BMPR2: variants seen among roughly 807,000 people sequenced by gnomAD.
The protein encoded by BMPR2 is bone morphogenetic protein receptor type-2.
A neutral mutation model predicts 100.8 loss-of-function variants in BMPR2; 29 were observed. That is an observed-to-expected ratio of 0.29 (90% CI 0.21 to 0.39). BMPR2 has a LOEUF of 0.39. BMPR2 is among the 10% of genes least tolerant of loss of function. The probability of loss-of-function intolerance (pLI) is 1.00; values close to 1 mark genes in which losing one functional copy is unlikely to be tolerated. For synonymous variants in BMPR2, 382 were observed against 442.3 expected, an observed-to-expected ratio of 0.86 and a Z score of 1.71; for missense variants, 1,011 against 1,274.5, an observed-to-expected ratio of 0.79 and a Z score of 3.15.
chr2:202,387,959 A>T (rs563000895), intron 1 of BMPR2, among the ~76,000 whole-genome samples: 1 of 152,324 alleles, frequency 6.6e-6, no homozygotes, highest in East Asian at 1.9e-4. Context: ...TTTATGTGGG[A>T]TATAACTTTT....
chr2:202,458,305 A>AG (rs1464851225), intron 1 of BMPR2, among the ~76,000 whole-genome samples: 2 of 150,044 alleles, frequency 1.3e-5, no homozygotes, highest in African/African-American at 2.4e-5. Flanking sequence ...AAAAAAAAAA[A>AG]AAACGCACAC....
chr2:202,528,931 A>C (rs1687966970), intron 7 of BMPR2, among the ~76,000 whole-genome samples: 1 of 152,222 alleles, frequency 6.6e-6, no homozygotes, highest in Non-Finnish European at 1.5e-5. Flanking sequence ...TTTGGAGTAG[A>C]AATTTGGTAG....
chr2:202,508,277 G>C (rs1687564012), intron 3 of BMPR2, among the ~76,000 whole-genome samples: 1 of 151,548 alleles, frequency 6.6e-6, no homozygotes, highest in South Asian at 2.1e-4. Context: ...ATTTTTAGTA[G>C]AGATGGGGTT....
chr2:202,390,980 C>CTTTTTTTTTTT (rs11459505), intron 1 of BMPR2, among the ~76,000 whole-genome samples: 2 of 51,904 alleles, frequency 3.9e-5, no homozygotes, highest in Non-Finnish European at 7.1e-5. Context: ...AGTAAGTAGT[C>CTTTTTTTTTTT]TTTTTTTTTT....
chr2:202,515,799 G>T (rs556908404), intron 5 of BMPR2, among the ~76,000 whole-genome samples: 1 of 152,070 alleles, frequency 6.6e-6, no homozygotes, highest in Non-Finnish European at 1.5e-5. Context: ...TGAGGCTAGC[G>T]AATTGCTTGA....
At chr2:202,540,193 G>T (rs1226029176) in intron 9 of BMPR2, among the ~76,000 whole-genome samples, 1 of 152,028 alleles carries the variant, frequency 6.6e-6, no homozygotes, top group Non-Finnish European at 1.5e-5. Context: ...TTTTAAAAGA[G>T]TGAAATTGTG....
At chr2:202,491,235 T>G (rs1180898181) in intron 3 of BMPR2, among the ~76,000 whole-genome samples, 1 of 152,072 alleles carries the variant, frequency 6.6e-6, no homozygotes, top group Non-Finnish European at 1.5e-5. Context: ...CTTTTAATTG[T>G]TTGTAGAGAT....
intron 5 of BMPR2, among the ~76,000 whole-genome samples, chr2:202,515,432 A>G (rs1480762375): frequency 6.6e-6 from 1 of 151,724 alleles, no homozygotes; most frequent in Admixed American, 6.6e-5. Context: ...TTAGCCAGGC[A>G]TGGTGGTTCA....
At position 202,442,216 on chromosome 2, in the gene BMPR2, C is replaced by T. The variant is rs1030102688; in HGVS notation, c.77-22593C>T. Reference sequence around the variant, plus strand: ...TATAGCTTGTATGCTTCTATGGTCCCCCAGCAAGAAATCTTGTACTCATTA... The same window carrying T: ...TATAGCTTGTATGCTTCTATGGTCCTCCAGCAAGAAATCTTGTACTCATTA... On this transcript the variant is annotated intron_variant, in intron 1 of 12. Coordinates refer to ENST00000374580, the MANE Select transcript of BMPR2 (RefSeq NM_001204.7). 4.0e-5 allele frequency among the ~76,000 whole-genome samples: 6 copies of T among 150,192 alleles called. 1 individual carries two copies. The highest frequency in any genetic ancestry group is 1.3e-4 in the African/African-American group (5 of 39,630).
intron 1 of BMPR2, among the ~76,000 whole-genome samples, chr2:202,464,159 CAAAA>C (rs71406983): frequency 1.6e-5 from 1 of 62,952 alleles, no homozygotes; most frequent in Non-Finnish European, 2.8e-5. Context: ...AACTCTGTCT[CAAAA>C]AAAAAAAAAA....
intron 1 of BMPR2, among the ~76,000 whole-genome samples, chr2:202,378,650 G>A (rs1047592618): frequency 6.6e-6 from 1 of 152,056 alleles, no homozygotes; most frequent in Non-Finnish European, 1.5e-5. Flanking sequence ...GTCTACTGTT[G>A]ATTAATGTCT....
Position 202,440,572 on chromosome 2 carries a change from G to T in BMPR2, c.77-24237G>T, listed in dbSNP as rs572980734. Among the ~76,000 whole-genome samples, 6 of 150,806 alleles carry T rather than the reference G, an allele frequency of 4.0e-5. No individual in the cohort carries two copies. In the South Asian group the frequency reaches 1.0e-3, roughly 26 times the overall value. ...TCACTTCCCAGACGGGGTGGCGGCC[G>T]GGCAGAGGCTGCAATCTCGGCACTT... On this transcript the variant is annotated intron_variant, in intron 1 of 12. Transcript: ENST00000374580.
chr2:202,514,363 C>A (rs985460606), intron 4 of BMPR2, among the ~76,000 whole-genome samples: 2 of 150,370 alleles, frequency 1.3e-5, no homozygotes, highest in Non-Finnish European at 2.9e-5. Context: ...GTCTCGATCT[C>A]CTGACCTCGT....
At chr2:202,409,237 T>C (rs1006528113) in intron 1 of BMPR2, among the ~76,000 whole-genome samples, 4 of 152,036 alleles carry the variant, frequency 2.6e-5, no homozygotes, top group African/African-American at 9.7e-5. Context: ...CACAGCTATT[T>C]GGGTGGCTAT....
intron 3 of BMPR2, among the ~76,000 whole-genome samples, chr2:202,473,510 G>C (rs1159533847): frequency 6.6e-6 from 1 of 152,046 alleles, no homozygotes; most frequent in Non-Finnish European, 1.5e-5. Context: ...CAAAAAACTG[G>C]CCAGGCGCGG....
chr2:202,387,857 C>T (rs923012404), intron 1 of BMPR2, among the ~76,000 whole-genome samples: 4 of 152,070 alleles, frequency 2.6e-5, no homozygotes, highest in Admixed American at 6.6e-5. Flanking sequence ...ACTTCACAAA[C>T]GACTGTATTG....
intron 9 of BMPR2, among the ~76,000 whole-genome samples, chr2:202,540,152 C>T (rs1252654585): frequency 6.6e-6 from 1 of 151,924 alleles, no homozygotes. Flanking sequence ...TTTCCTTTAG[C>T]AACTTTTAAA....
At chr2:202,417,154 T>G (rs1691148137) in intron 1 of BMPR2, among the ~76,000 whole-genome samples, 2 of 150,986 alleles carry the variant, frequency 1.3e-5, no homozygotes. Context: ...TTTTCTTTTT[T>G]GAAATGGAGT....
In BMPR2 at chr2:202,449,951, CA is replaced by C. The variant is rs376106453; in HGVS notation, c.77-14848del. 5.1e-4 allele frequency among the ~76,000 whole-genome samples: 75 copies of C among 147,224 alleles called. 1 individual carries two copies. Among genetic ancestry groups the C allele is most frequent in the African/African-American group, 1.6e-3 (65 of 40,262 alleles). ...TGAATCCCCATCTCTACTAAAAATA[CA>C]AAAAAAAAATAGCCAGGCTTGATGG... On this transcript the variant is annotated intron_variant, in intron 1 of 12. Coordinates refer to ENST00000374580, the MANE Select transcript of BMPR2 (RefSeq NM_001204.7).
Sources: gnomAD v4.1 joint callset for allele counts (sites outside exome capture counted in the v4.1 genomes callset) on GRCh38, gnomAD v4.1.1 for gene constraint, MANE v1.5 for transcripts, NCBI Gene and HGNC (gene_info 2026-07-23, HGNC 2026-07-21) for gene names.